TNFRSF1A: variants seen among roughly 807,000 people sequenced by gnomAD.
TNFRSF1A encodes the protein tumor necrosis factor receptor superfamily member 1A.
TNFRSF1A carries 9 observed loss-of-function variants against 41.6 expected under a neutral mutation model. The observed-to-expected ratio is 0.22, with a 90% CI of 0.13 to 0.38. TNFRSF1A has a LOEUF of 0.38. Ranked by LOEUF, TNFRSF1A falls within the 10% of genes least tolerant of loss-of-function variation. The pLI is 1.00. For missense variants in TNFRSF1A, 463 were observed against 591.5 expected (o/e 0.78, Z 2.25); for synonymous variants, 254 against 248.6 (o/e 1.02, Z -0.21).
chr12:6,338,647 A>G (rs562956580), intron 1 of TNFRSF1A, among the ~76,000 whole-genome samples: 65 of 149,354 alleles, frequency 4.4e-4, no homozygotes, highest in African/African-American at 1.6e-3. Context: ...TGGCACAATC[A>G]TAGCTCACTG....
chr12:6,333,354 G>A lies in TNFRSF1A; in HGVS notation c.472+13C>T. 1.2e-6 allele frequency: 2 copies of A among 1,612,740 alleles called. No homozygotes were observed. The highest frequency in any genetic ancestry group is 1.7e-6 in the Non-Finnish European group (2 of 1,179,458). On this transcript the variant is annotated intron_variant, in intron 4 of 9. Coordinates refer to ENST00000162749, the MANE Select transcript of TNFRSF1A (RefSeq NM_001065.4). The surrounding 1 kb of genome is among the most constrained non-coding windows in gnomAD (Gnocchi z 6.3). ...GTGGGGAGAGGGCTTGGCCTCAGGA[G>A]AGCTGCGCTCACAGGAGAGGTGCAC...
At chr12:6,332,799 G>C (rs997877770) in intron 5 of TNFRSF1A, among the ~76,000 whole-genome samples, 2 of 152,186 alleles carry the variant, frequency 1.3e-5, no homozygotes, top group Non-Finnish European at 2.9e-5. Flanking sequence ...TAGAACCAAT[G>C]AGCTATCGTA....
chr12:6,330,806 A>AGAGG, intron 6 of TNFRSF1A, 47 bp downstream of exon 6: 1 of 1,595,808 alleles, frequency 6.3e-7, no homozygotes, highest in South Asian at 1.1e-5. Context: ...GGGGGCAAGA[A>AGAGG]GAGGGAGAGG....
chr12:6,333,042 T>C lies in TNFRSF1A; in HGVS notation c.551+27A>G. On this transcript the variant is annotated intron_variant, in intron 5 of 9. Coordinates refer to ENST00000162749, the MANE Select transcript of TNFRSF1A (RefSeq NM_001065.4). The surrounding 1 kb of genome is among the most constrained non-coding windows in gnomAD (Gnocchi z 6.3). ...CGTCCCAACCCATGCCACCATCCAGTGCCCAGCAGCTCTCAGAGATACTCA... is the reference window on the plus strand; with the variant it reads ...CGTCCCAACCCATGCCACCATCCAGCGCCCAGCAGCTCTCAGAGATACTCA... 6.2e-7 allele frequency: 1 copy of C among 1,607,304 alleles called. No individual in the cohort carries two copies. The highest frequency in any genetic ancestry group is 8.5e-7 in the Non-Finnish European group (1 of 1,174,172).
chr12:6,330,200 C>T, intron 8 of TNFRSF1A, 67 bp downstream of exon 8: 9 of 1,613,588 alleles, frequency 5.6e-6, no homozygotes, highest in Non-Finnish European at 7.6e-6. Flanking sequence ...TCCAGGGGAT[C>T]TGAGCATTAG....
Position 6,329,878 on chromosome 12 carries a change from C to T in TNFRSF1A, c.957G>A (p.Gln319=), listed in dbSNP as rs1565466046. 1.9e-6 allele frequency: 3 copies of T among 1,590,676 alleles called. No individual in the cohort carries two copies. Among genetic ancestry groups the T allele is most frequent in the East Asian group, 2.3e-5 (1 of 43,786 alleles). ...APRREVAPPY[Q]GADPILATAL... is the part of the protein sequence containing the mutation. ...CTGTCGCAAGGATGGGGTCAGCCCC[C>T]TGATAGGGTGGTGCCACCTCTCTGC... Residue 319 remains glutamine, a synonymous_variant, in exon 9 of 10, where the codon CAG becomes CAA. Transcript: ENST00000162749.
rs752875652 is a variant in TNFRSF1A, at chr12:6,330,567, G to A, written c.739+31C>T. ...CCCATGTCCTCCCTCACCCCCACCA[G>A]CTCCCTCTCCCTCCCAAAGCCCCCA... On this transcript the variant is annotated intron_variant, in intron 7 of 9. Coordinates refer to ENST00000162749, the MANE Select transcript of TNFRSF1A (RefSeq NM_001065.4). 3.3e-6 allele frequency: 5 copies of A among 1,530,470 alleles called. No individual in the cohort carries two copies. The African/African-American group carries it at 6.8e-5, about 21-fold the overall frequency. The allele number at this position is 1,530,470 out of a possible 1,614,324, so 94.8% of individuals were successfully genotyped here.
At position 6,329,425 on chromosome 12, in the gene TNFRSF1A, CCAG is replaced by C; in HGVS notation, c.1252_1254del (p.Leu418del). 6.3e-7 allele frequency: 1 copy of C among 1,583,166 alleles called. No homozygotes were observed. Among genetic ancestry groups the C allele is most frequent in the Non-Finnish European group, 8.5e-7 (1 of 1,171,490 alleles). ...TCGCGGAGCACGCGTCCCAGCAGCT[CCAG>C]CGTGGCCTCGCGCCGCGGCGTGCGC... On this transcript the variant is annotated inframe_deletion, in exon 10 of 10. Coordinates refer to ENST00000162749, the MANE Select transcript of TNFRSF1A (RefSeq NM_001065.4).
chr12:6,335,355 T>C (rs1948107279), intron 1 of TNFRSF1A, among the ~76,000 whole-genome samples: 1 of 152,114 alleles, frequency 6.6e-6, no homozygotes, highest in Non-Finnish European at 1.5e-5. Flanking sequence ...CAAATAGAGC[T>C]GGCCAAGGCT....
intron 1 of TNFRSF1A, among the ~76,000 whole-genome samples, chr12:6,339,555 C>T (rs935219960): frequency 2.0e-5 from 3 of 152,088 alleles, no homozygotes; most frequent in Non-Finnish European, 2.9e-5. Flanking sequence ...TGGAGCTGAG[C>T]GCAGGAGCTG....
chr12:6,329,283 TC>T lies in TNFRSF1A; in HGVS notation c.*28del. On this transcript the variant is annotated 3_prime_UTR_variant, in exon 10 of 10. Transcript: ENST00000162749. The stretch of plus-strand genomic sequence containing the variant: ...GTTGGAAGGCGATCTCGCAGGACGG[TC>T]CTTAGAGCTGCCCGCAGGGGCGCAG... 6.9e-7 allele frequency: 1 copy of T among 1,439,940 alleles called. No homozygotes were observed. The highest frequency in any genetic ancestry group is 9.1e-7 in the Non-Finnish European group (1 of 1,104,054). 89.2% of individuals were successfully genotyped at this position (1,439,940 alleles called of 1,614,324 possible).
Position 6,333,245 on chromosome 12 carries a change from G to A in TNFRSF1A, c.473-98C>T. 1 of 1,551,134 alleles carries A rather than the reference G, an allele frequency of 6.4e-7. No homozygotes were observed. ...GAGGGACAGGGTGGGGGCGGCCAGA[G>A]AGGAGTTGGTTGTCAGACCCACAGA... is the stretch of plus-strand genomic sequence containing the variant. On this transcript the variant is annotated intron_variant, in intron 4 of 9. Coordinates refer to ENST00000162749, the MANE Select transcript of TNFRSF1A (RefSeq NM_001065.4). This position sits in a 1 kb window ranked among gnomAD's most constrained non-coding sequence, Gnocchi z 6.3.
chr12:6,332,000 CAAAAAAAAAA>C (rs750532640), intron 5 of TNFRSF1A: 15 of 78,876 alleles, frequency 1.9e-4, no homozygotes, highest in East Asian at 9.7e-4. Flanking sequence ...GACTCTGTGT[CAAAAAAAAAA>C]AAAAAAAAAA....
Position 6,333,806 on chromosome 12 carries a change from C to A in TNFRSF1A, c.253G>T (p.Glu85Ter). Residue 85 changes from glutamate (E) to a stop codon, truncating the protein, a stop_gained, in exon 3 of 10, where the codon GAG (glutamate) becomes TAG (stop). Transcript: ENST00000162749. LOFTEE classifies it high-confidence loss of function. The surrounding 1 kb of genome is among the most constrained non-coding windows in gnomAD (Gnocchi z 6.3). ...TCTGAAGCGGTGAAGGAGCCGCTCT[C>A]ACACTCCCTGCAGTCCGTATCCTGC... ...PGQDTDCREC[E>*]SGSFTASENH... 6.3e-7 allele frequency: 1 copy of A among 1,591,632 alleles called. No homozygotes were observed. The highest frequency in any genetic ancestry group is 8.6e-7 in the Non-Finnish European group (1 of 1,168,390).
rs563393671 is a variant in TNFRSF1A at position 6,341,876 on chromosome 12, G to T, written c.-62C>A. ...CTCAGGGCAGTGTGGCAGCGGCAGT[G>T]CTGGGGCTTCCCGGGACTCGGTCTG... On this transcript the variant is annotated 5_prime_UTR_variant, in exon 1 of 10. Transcript: ENST00000162749. This position sits in a 1 kb window ranked among gnomAD's most constrained non-coding sequence, Gnocchi z 4.6. 57 of 1,593,452 alleles carry T rather than the reference G, an allele frequency of 3.6e-5. No homozygotes were observed. The East Asian group carries it at 1.2e-3, about 34-fold the overall frequency.
rs1007556804 is a variant in TNFRSF1A, at chr12:6,337,295, C to A, written c.40-3051G>T. On this transcript the variant is annotated intron_variant, in intron 1 of 9. Transcript: ENST00000162749. This position sits in a 1 kb window ranked among gnomAD's most constrained non-coding sequence, Gnocchi z 4.6. ...CAGACTCCAGCCTGGAGCAGAAGGG[C>A]AGGAAGCTGGGGTGCCTGTGGAGAG... 4.6e-5 allele frequency among the ~76,000 whole-genome samples: 7 copies of A among 152,208 alleles called. No homozygotes were observed. The highest frequency in any genetic ancestry group is 1.7e-4 in the African/African-American group (7 of 41,444).
Position 6,332,298 on chromosome 12 carries a change from G to C in TNFRSF1A, c.551+771C>G, listed in dbSNP as rs186481843. On this transcript the variant is annotated intron_variant, in intron 5 of 9. Transcript: ENST00000162749. ...CTACAAAAAGTAAAACATTAGCTGG[G>C]TGTAGTGGTGTGTGCCTCTAATCCC... Among the ~76,000 whole-genome samples, 689 of 152,078 alleles carry C rather than the reference G, an allele frequency of 4.5e-3. 4 individuals are homozygous for C. Among genetic ancestry groups the C allele is most frequent in the Middle Eastern group, 0.01 (3 of 294 alleles).
At position 6,330,270 on chromosome 12, in the gene TNFRSF1A, T is replaced by C. The variant is rs746332574; in HGVS notation, c.765A>G (p.Lys255=). The stretch of plus-strand genomic sequence containing the variant: ...TAACTCTCTCATTTCATCTCACCTC[T>C]TTTTCAGGTGTCGATTTCCCACAAA... ...SIVCGKSTPE[K]EGELEGTTTK... The change falls in exon 8 of 10, where the codon AAA becomes AAG. Residue 255 remains lysine (K), a synonymous_variant. Transcript: ENST00000162749. The C allele has an allele frequency of 5.0e-6, 8 of 1,613,846 alleles. No homozygotes were observed. Among genetic ancestry groups the C allele is most frequent in the Non-Finnish European group, 5.9e-6 (7 of 1,179,862 alleles).
intron 1 of TNFRSF1A, among the ~76,000 whole-genome samples, chr12:6,340,003 G>A (rs1171705036): frequency 1.3e-5 from 2 of 152,168 alleles, no homozygotes; most frequent in African/African-American, 4.8e-5. Flanking sequence ...CACCTGGGCT[G>A]AAGCACCCCA....
Sources: gnomAD v4.1 joint callset for allele counts (sites outside exome capture counted in the v4.1 genomes callset) on GRCh38, gnomAD v4.1.1 for gene constraint, Gnocchi (gnomAD v3.1) non-coding constraint, MANE v1.5 for transcripts, NCBI Gene and HGNC (gene_info 2026-07-23, HGNC 2026-07-21) for gene names.